The following PLPP4 variants were observed in gnomAD, a reference collection of about 807,000 sequenced individuals.
PLPP4 encodes the protein phospholipid phosphatase 4, also known as diacylglycerol pyrophosphate like 2.
A neutral mutation model predicts 32.2 loss-of-function variants in PLPP4; 20 were observed. The ratio of observed to expected loss-of-function variants is 0.62; its 90% CI spans 0.44 to 0.90. The LOEUF (loss-of-function observed/expected upper bound fraction) is 0.90. Among genes scored for constraint, PLPP4 ranks in the 40% least tolerant of loss-of-function variants. The pLI, the probability that PLPP4 is intolerant of heterozygous loss-of-function variation, is 0.00. For synonymous variants in PLPP4, 127 were observed against 133.0 expected (o/e 0.95, Z 0.31); for missense variants, 257 against 353.1 (o/e 0.73, Z 2.18).
chr10:120,560,881 CA>C lies in PLPP4; in HGVS notation c.446-14248del, dbSNP rs111244040. Among the ~76,000 whole-genome samples, 1,277 of 152,284 alleles carry C rather than the reference CA, an allele frequency of 8.4e-3. 23 individuals carry two copies. The highest frequency in any genetic ancestry group is 0.029 in the African/African-American group (1,225 of 41,558). On this transcript the variant is annotated intron_variant, in intron 5 of 6. Coordinates refer to ENST00000398250, the MANE Select transcript of PLPP4 (RefSeq NM_001030059.3). ...TGTTATCAGCAAGCCTTCTGGTCAA[CA>C]AGTAGGCTAGTAGTAAAATTTTGGG... is the stretch of plus-strand genomic sequence containing the variant.
At chr10:120,486,369 C>A (rs1844455993) in intron 1 of PLPP4, among the ~76,000 whole-genome samples, 1 of 152,004 alleles carries the variant, frequency 6.6e-6, no homozygotes, top group Non-Finnish European at 1.5e-5. Flanking sequence ...CTAGATGAGG[C>A]AATACCAATT....
chr10:120,551,287 A>C (rs1847891105), intron 5 of PLPP4, among the ~76,000 whole-genome samples: 2 of 152,214 alleles, frequency 1.3e-5, no homozygotes, highest in African/African-American at 4.8e-5. Flanking sequence ...GGTGATGTAT[A>C]AATTGTTACT....
intron 5 of PLPP4, among the ~76,000 whole-genome samples, chr10:120,571,214 G>A (rs1409533014): frequency 7.9e-6 from 1 of 127,318 alleles, no homozygotes; most frequent in Non-Finnish European, 1.8e-5. Flanking sequence ...TCATCCCACT[G>A]GCTCAGGAGT....
chr10:120,458,505 C>A (rs1847893218), intron 1 of PLPP4, among the ~76,000 whole-genome samples: 1 of 152,124 alleles, frequency 6.6e-6, no homozygotes, highest in Non-Finnish European at 1.5e-5. Context: ...CTGTTCTGGG[C>A]AGCCCAGGGG....
At chr10:120,572,960 T>G (rs975847447) in intron 5 of PLPP4, among the ~76,000 whole-genome samples, 2 of 152,096 alleles carry the variant, frequency 1.3e-5, no homozygotes, top group Admixed American at 6.5e-5. Flanking sequence ...AGCAGAATAC[T>G]TAATATCTAT....
At chr10:120,477,466 G>A (rs781417730) in intron 1 of PLPP4, among the ~76,000 whole-genome samples, 1 of 151,856 alleles carries the variant, frequency 6.6e-6, no homozygotes. Flanking sequence ...TTCTGAGCAA[G>A]ATGCTTTGAA....
At chr10:120,534,746 T>A (rs1846926536) in intron 5 of PLPP4, among the ~76,000 whole-genome samples, 1 of 152,178 alleles carries the variant, frequency 6.6e-6, no homozygotes, top group Admixed American at 6.6e-5. Context: ...AGTAAATTTT[T>A]CCCTTCAGTT....
intron 5 of PLPP4, among the ~76,000 whole-genome samples, chr10:120,571,108 G>GTA (rs1356618610): frequency 1.5e-5 from 1 of 68,546 alleles, no homozygotes; most frequent in Non-Finnish European, 3.7e-5. Context: ...GTGTGTGTGT[G>GTA]TGTGTGTGTG....
chr10:120,560,375 C>T (rs976648669), intron 5 of PLPP4, among the ~76,000 whole-genome samples: 3 of 151,638 alleles, frequency 2.0e-5, no homozygotes, highest in Non-Finnish European at 4.4e-5. Flanking sequence ...GAAGCTGTCA[C>T]TGCAGCTGCA....
intron 2 of PLPP4, among the ~76,000 whole-genome samples, chr10:120,507,355 CATCATT>C (rs58523911): frequency 0.18 from 10,749 of 59,418 alleles, 552 homozygotes; most frequent in Middle Eastern, 0.3. Context: ...TCATCATCAT[CATCATT>C]ATCATCATCA....
chr10:120,518,709 G>A (rs181355170), intron 3 of PLPP4, 124 bp from the exon 4 acceptor site: 218 of 723,030 alleles, frequency 3.0e-4, no homozygotes, highest in Non-Finnish European at 3.4e-4. Context: ...CAAAGTATTC[G>A]TTCATATTTC....
intron 1 of PLPP4, among the ~76,000 whole-genome samples, chr10:120,470,704 G>T (rs1443135762): frequency 6.6e-6 from 1 of 152,060 alleles, no homozygotes; most frequent in East Asian, 1.9e-4. Context: ...GCCTGGTATT[G>T]TCTCAATTAA....
chr10:120,462,665 G>A (rs953455585), intron 1 of PLPP4, among the ~76,000 whole-genome samples: 3 of 152,174 alleles, frequency 2.0e-5, no homozygotes, highest in Non-Finnish European at 4.4e-5. Flanking sequence ...CTGAAGGGGC[G>A]GACGGCCTGC....
Position 120,590,767 on chromosome 10 carries a change from CT to C in PLPP4, c.*1283del, listed in dbSNP as rs11420059. On this transcript the variant is annotated 3_prime_UTR_variant, in exon 7 of 7. Transcript: ENST00000398250. ...TGCATCTTTGCTATCCAGAGTGTCA[CT>C]TTTTTTTTTTTTTTTTTGAGATGGA... Among the ~76,000 whole-genome samples the C allele has an allele frequency of 0.034, 4,289 of 126,136 alleles. 81 individuals carry two copies. Among genetic ancestry groups the C allele is most frequent in the South Asian group, 0.066 (240 of 3,644 alleles). The allele number at this position is 126,136 out of a possible 152,430, so 82.8% of individuals were successfully genotyped here.
chr10:120,497,487 A>G lies in PLPP4; in HGVS notation c.57-6331A>G, dbSNP rs560816024. On this transcript the variant is annotated intron_variant, in intron 1 of 6. Transcript: ENST00000398250. ...GTGTGTGTGCATTTTGTGTGTATGT[A>G]TATATAATTATAAGCTTTAAGGAAG... Among the ~76,000 whole-genome samples the G allele has an allele frequency of 8.5e-5, 13 of 152,202 alleles. No homozygotes were observed. The South Asian group carries it at 2.7e-3, about 32-fold the overall frequency.
At chr10:120,462,456 G>A (rs1441853809) in intron 1 of PLPP4, among the ~76,000 whole-genome samples, 2 of 152,204 alleles carry the variant, frequency 1.3e-5, no homozygotes, top group South Asian at 2.1e-4. Context: ...CTGCTTCGTG[G>A]CCGCAGCCCT....
At chr10:120,486,891 G>A (rs954247578) in intron 1 of PLPP4, among the ~76,000 whole-genome samples, 3 of 152,160 alleles carry the variant, frequency 2.0e-5, no homozygotes, top group South Asian at 2.1e-4. Context: ...CAGCCCACCC[G>A]GGCTGCCTCC....
intron 1 of PLPP4, among the ~76,000 whole-genome samples, chr10:120,478,788 A>G: frequency 6.6e-6 from 1 of 152,260 alleles, no homozygotes; most frequent in Non-Finnish European, 1.5e-5. Context: ...AATGAAAGCA[A>G]ATAATTTAAT....
At chr10:120,516,424 T>C (rs936273032) in intron 3 of PLPP4, among the ~76,000 whole-genome samples, 7 of 152,232 alleles carry the variant, frequency 4.6e-5, no homozygotes, top group African/African-American at 1.2e-4. Context: ...CCATGCAGCA[T>C]TGGGCTTTTA....
Sources: allele counts gnomAD v4.1 joint callset (sites outside exome capture counted in the v4.1 genomes callset), GRCh38; gene constraint gnomAD v4.1.1; transcripts MANE v1.5; gene names NCBI Gene and HGNC (gene_info 2026-07-23, HGNC 2026-07-21).